Variants in CFAP95 observed in about 807,000 individuals in gnomAD.
The protein encoded by CFAP95 is cilia- and flagella-associated protein 95.
the CFAP95 span, among the ~76,000 whole-genome samples, chr9:69,831,431 C>CT: frequency 7.0e-6 from 1 of 143,100 alleles, no homozygotes. Flanking sequence ...AGATGAAGAA[C>CT]TCTTTTTTTT....
At chr9:69,880,827 G>T in the CFAP95 span, among the ~76,000 whole-genome samples, 1 of 152,048 alleles carries the variant, frequency 6.6e-6, no homozygotes, top group Admixed American at 6.6e-5. Context: ...ATTTGTTATT[G>T]CCTGTCTTGT....
the CFAP95 span, among the ~76,000 whole-genome samples, chr9:69,825,384 C>G: frequency 6.6e-6 from 1 of 152,130 alleles, no homozygotes; most frequent in Non-Finnish European, 1.5e-5. Context: ...GACCTCATTA[C>G]TCATATTAAA....
At chr9:69,881,947 A>G in the CFAP95 span, among the ~76,000 whole-genome samples, 1 of 149,576 alleles carries the variant, frequency 6.7e-6, no homozygotes. Context: ...GGTTTTTTTT[A>G]AATTTCTTTT....
At chr9:69,888,418 G>C in the CFAP95 span, among the ~76,000 whole-genome samples, 3 of 151,988 alleles carry the variant, frequency 2.0e-5, no homozygotes, top group Non-Finnish European at 2.9e-5. Flanking sequence ...AATGACCCTA[G>C]AGAAATGAGC....
chr9:69,868,992 A>G, the CFAP95 span, among the ~76,000 whole-genome samples: 2 of 152,186 alleles, frequency 1.3e-5, no homozygotes, highest in Non-Finnish European at 2.9e-5. Context: ...AAAAAGACAA[A>G]AGATAAGCGT....
chr9:69,892,542 G>A, the CFAP95 span, among the ~76,000 whole-genome samples: 1 of 152,208 alleles, frequency 6.6e-6, no homozygotes, highest in Non-Finnish European at 1.5e-5. Context: ...CGGACAGCAG[G>A]TAGGGAAATA....
chr9:69,883,421 T>G, the CFAP95 span, among the ~76,000 whole-genome samples: 1 of 152,172 alleles, frequency 6.6e-6, no homozygotes, highest in Non-Finnish European at 1.5e-5. Flanking sequence ...AAGGTTGGAA[T>G]GTTTCTGGTT....
At chr9:69,853,927 T>C in the CFAP95 span, among the ~76,000 whole-genome samples, 1 of 152,210 alleles carries the variant, frequency 6.6e-6, no homozygotes, top group South Asian at 2.1e-4. Context: ...AAAGAAGGAC[T>C]TTCCCTGGAA....
chr9:69,885,740 G>A, the CFAP95 span, among the ~76,000 whole-genome samples: 529 of 152,138 alleles, frequency 3.5e-3, 8 homozygotes, highest in African/African-American at 0.012. Context: ...ATTCTTCAGC[G>A]GTCACCTGGC....
At chr9:69,848,882 C>T in the CFAP95 span, among the ~76,000 whole-genome samples, 1 of 152,132 alleles carries the variant, frequency 6.6e-6, no homozygotes, top group Non-Finnish European at 1.5e-5. Context: ...CTGAGAGTCA[C>T]CAGAAACGCC....
At chr9:69,857,688 C>T in the CFAP95 span, among the ~76,000 whole-genome samples, 4 of 152,042 alleles carry the variant, frequency 2.6e-5, no homozygotes, top group African/African-American at 9.7e-5. Flanking sequence ...CCACGTCCGG[C>T]TAATTTTTTT....
chr9:69,868,350 C>CA, the CFAP95 span, among the ~76,000 whole-genome samples: 91,037 of 151,300 alleles, frequency 0.6, 27,706 homozygotes, highest in East Asian at 0.82. Flanking sequence ...CTACATCAAA[C>CA]AAAAAAAAGC....
the CFAP95 span, among the ~76,000 whole-genome samples, chr9:69,849,875 T>C: frequency 6.6e-6 from 1 of 152,218 alleles, no homozygotes; most frequent in East Asian, 1.9e-4. Flanking sequence ...TAGTGGGTAA[T>C]AGCGTTCTAA....
chr9:69,829,059 G>A, the CFAP95 span, among the ~76,000 whole-genome samples: 1 of 152,134 alleles, frequency 6.6e-6, no homozygotes. Flanking sequence ...GGGTAAAAAG[G>A]ATGATGTTAT....
chr9:69,906,196 T>C, the CFAP95 span: 3 of 1,368,626 alleles, frequency 2.2e-6, no homozygotes, highest in Admixed American at 2.3e-5. Flanking sequence ...AGTTGATGAT[T>C]TTCTATCTTA....
chr9:69,857,982 G>T, the CFAP95 span: 1 of 1,613,050 alleles, frequency 6.2e-7, no homozygotes, highest in Non-Finnish European at 8.5e-7. Context: ...CAAAATGTTA[G>T]TAGTCCCTAA....
At chr9:69,868,232 CAT>C in the CFAP95 span, among the ~76,000 whole-genome samples, 3 of 151,954 alleles carry the variant, frequency 2.0e-5, no homozygotes, top group East Asian at 1.9e-4. Context: ...TAGAATAAAA[CAT>C]AGAGGAAAAC....
chr9:69,830,047 C>T, the CFAP95 span, among the ~76,000 whole-genome samples: 3 of 152,132 alleles, frequency 2.0e-5, no homozygotes, highest in South Asian at 2.1e-4. Context: ...ACAACTGGAA[C>T]GAGGGATGAA....
At chr9:69,871,918 TTACAG>T in the CFAP95 span, among the ~76,000 whole-genome samples, 1 of 152,196 alleles carries the variant, frequency 6.6e-6, no homozygotes, top group Non-Finnish European at 1.5e-5. Context: ...TTTAATATCA[TTACAG>T]TATAGTTTTC....
Sources: allele counts gnomAD v4.1 joint callset (sites outside exome capture counted in the v4.1 genomes callset), GRCh38; gene constraint gnomAD v4.1.1; transcripts MANE v1.5; gene names NCBI Gene and HGNC (gene_info 2026-07-23, HGNC 2026-07-21).